Variants in ANKRD65 observed in about 807,000 individuals in gnomAD.
ANKRD65 encodes ankyrin repeat domain-containing protein 65.
A neutral mutation model predicts 17.2 loss-of-function variants in ANKRD65; 26 were observed. The observed-to-expected ratio is 1.51, with a 90% confidence interval of 1.11 to 2.09. The LOEUF (loss-of-function observed/expected upper bound fraction) is 2.09. Among genes scored for constraint, ANKRD65 ranks in the 30% most tolerant of loss-of-function variants. The pLI, the probability that ANKRD65 is intolerant of heterozygous loss-of-function variation, is 0.00. For missense variants in ANKRD65, 621 were observed against 542.2 expected (o/e 1.15, Z -1.44); for synonymous variants, 311 against 272.2 (o/e 1.14, Z -1.40).
Position 1,420,377 on chromosome 1 carries a change from G to C in ANKRD65, c.425C>G (p.Thr142Arg). 6 of 1,291,056 alleles carry C rather than the reference G, an allele frequency of 4.6e-6. No individual in the cohort carries two copies. Among genetic ancestry groups the C allele is most frequent in the Non-Finnish European group, 3.9e-6 (4 of 1,013,540 alleles). The allele number at this position is 1,291,056 out of a possible 1,614,324, so 80.0% of individuals were successfully genotyped here. ...SAAARSGTGLTPLHWAAALGH... is the reference protein window; with the variant it reads ...SAAARSGTGLRPLHWAAALGH... ...CAGGGCAGCGGCCCAGTGCAGCGGC[G>C]TGAGGCCCGTCCCGGAGCGAGCCGC... Residue 142 changes from threonine (T) to arginine (R), a missense_variant, in exon 3 of 4, where the codon ACG becomes AGG. By Grantham distance (71) the Thr-to-Arg change is moderately conservative. Coordinates refer to ENST00000537107, the MANE Select transcript of ANKRD65 (RefSeq NM_001145210.3).
chr1:1,420,034 G>T lies in ANKRD65; in HGVS notation c.750+18C>A. The T allele has an allele frequency of 7.9e-7, 1 of 1,267,512 alleles. No homozygotes were observed. The highest frequency in any genetic ancestry group is 2.5e-5 in the South Asian group (1 of 39,724). 78.5% of individuals were successfully genotyped at this position (1,267,512 alleles called of 1,614,324 possible). Reference sequence around the variant, plus strand: ...CTGCGCCCCCTCCCATCACTGCCGGGCGGAGGGCGGGACGTACCTGGGAGC... The same window carrying T: ...CTGCGCCCCCTCCCATCACTGCCGGTCGGAGGGCGGGACGTACCTGGGAGC... On this transcript the variant is annotated intron_variant, in intron 3 of 3. Coordinates refer to ENST00000537107, the MANE Select transcript of ANKRD65 (RefSeq NM_001145210.3).
At chr1:1,420,734 G>T (rs749638823) in intron 2 of ANKRD65, 63 bp downstream of exon 2, 415 of 1,485,354 alleles carry the variant, frequency 2.8e-4, no homozygotes, top group Non-Finnish European at 3.5e-4. Flanking sequence ...CCCACCCAGT[G>T]CTGGGACCCC....
Position 1,419,076 on chromosome 1 carries a change from G to A in ANKRD65, c.*24C>T, listed in dbSNP as rs1407736049. On this transcript the variant is annotated 3_prime_UTR_variant, in exon 4 of 4. Coordinates refer to ENST00000537107, the MANE Select transcript of ANKRD65 (RefSeq NM_001145210.3). ...AGAGCCTGGAAATCACTGGGGCGGTGGAGCCTGGAGCCTGCTGTCTGGCTC... is the reference window on the plus strand; with the variant it reads ...AGAGCCTGGAAATCACTGGGGCGGTAGAGCCTGGAGCCTGCTGTCTGGCTC... The A allele has an allele frequency of 1.4e-6, 2 of 1,463,360 alleles. No homozygotes were observed. Among genetic ancestry groups the A allele is most frequent in the East Asian group, 2.5e-5 (1 of 39,902 alleles). 90.6% of individuals were successfully genotyped at this position (1,463,360 alleles called of 1,614,324 possible). A position where few individuals can be genotyped will look rare whatever the true frequency, so the allele number is the denominator to read the frequency against.
intron 2 of ANKRD65, 59 bp from the exon 3 acceptor site, chr1:1,420,651 G>GGGCCCCCCCC: frequency 2.4e-6 from 3 of 1,252,860 alleles, no homozygotes; most frequent in East Asian, 3.1e-5. Flanking sequence ...ACCCCGCCCT[G>GGGCCCCCCCC]CCCCACCCCG....
rs779213980 is a variant in ANKRD65 at position 1,419,410 on chromosome 1, G to C, written c.890C>G (p.Ala297Gly). The change falls in exon 4 of 4, where the codon GCG (alanine) becomes GGG (glycine). Residue 297 changes from alanine to glycine, a missense_variant. By Grantham distance (60) the Ala-to-Gly change is moderately conservative (BLOSUM62 0). Coordinates refer to ENST00000537107, the MANE Select transcript of ANKRD65 (RefSeq NM_001145210.3). ...LLVTQGAEVD[A>G]RDTLGLTPLH... ...GGGTGTGAGGCCCAGGGTGTCCCGC[G>C]CATCCACCTCGGCCCCCTGGGTGAC... The C allele has an allele frequency of 1.3e-6, 2 of 1,549,662 alleles. No individual in the cohort carries two copies. The highest frequency in any genetic ancestry group is 2.4e-5 in the South Asian group (2 of 84,042).
chr1:1,420,488 CG>C lies in ANKRD65; in HGVS notation c.313del (p.Arg105GlyfsTer142). On this transcript the variant is annotated frameshift_variant, in exon 3 of 4. Coordinates refer to ENST00000537107, the MANE Select transcript of ANKRD65 (RefSeq NM_001145210.3). LOFTEE classifies it high-confidence loss of function. ...QRGAPVGAVD[R>X]AGRTALHEAA... ...CTCGTGCAGCGCGGTGCGCCCCGCC[CG>C]GTCCACCGCGCCCACCGGGGCCCCT... The C allele has an allele frequency of 7.9e-7, 1 of 1,273,508 alleles. No individual in the cohort carries two copies. Among genetic ancestry groups the C allele is most frequent in the Non-Finnish European group, 9.8e-7 (1 of 1,016,470 alleles). The allele number at this position is 1,273,508 out of a possible 1,614,324, so 78.9% of individuals were successfully genotyped here. A position where few individuals can be genotyped will look rare whatever the true frequency, so the allele number is the denominator to read the frequency against.
At position 1,419,222 on chromosome 1, in the gene ANKRD65, TG is replaced by T; in HGVS notation, c.1077del (p.Ser360AlafsTer36). The stretch of plus-strand genomic sequence containing the variant: ...GCCCACTGCGTCCGCAGAGTGGGGC[TG>T]GCCCCTCGGCTCAGCAGAAGCCCCA... ...PTVGLLLSRG[A>X]SPTLRTQWAE... On this transcript the variant is annotated frameshift_variant, in exon 4 of 4. Coordinates refer to ENST00000537107, the MANE Select transcript of ANKRD65 (RefSeq NM_001145210.3). LOFTEE classifies it low-confidence loss of function (END_TRUNC). The T allele has an allele frequency of 1.9e-6, 3 of 1,550,212 alleles. No individual in the cohort carries two copies. Among genetic ancestry groups the T allele is most frequent in the Non-Finnish European group, 1.7e-6 (2 of 1,146,810 alleles).
Position 1,419,229 on chromosome 1 carries a change from T to C in ANKRD65, c.1071A>G (p.Arg357=). The change falls in exon 4 of 4, where the codon CGA becomes CGG. Residue 357 remains arginine, a synonymous_variant. Coordinates refer to ENST00000537107, the MANE Select transcript of ANKRD65 (RefSeq NM_001145210.3). Reference sequence around the variant, plus strand: ...GCGTCCGCAGAGTGGGGCTGGCCCCTCGGCTCAGCAGAAGCCCCACGGTAG... The same window carrying C: ...GCGTCCGCAGAGTGGGGCTGGCCCCCCGGCTCAGCAGAAGCCCCACGGTAG... ...HGPTVGLLLS[R]GASPTLRTQW... is the part of the protein sequence containing the mutation. 1 of 1,550,146 alleles carries C rather than the reference T, an allele frequency of 6.5e-7. No individual in the cohort carries two copies. Among genetic ancestry groups the C allele is most frequent in the Non-Finnish European group, 8.7e-7 (1 of 1,146,816 alleles).
In ANKRD65 at chr1:1,420,211, C is replaced by T; in HGVS notation, c.591G>A (p.Ala197=). ...CGCCGTCCAGGCCCGCGCCGCCGGC[C>T]GCCAGCAGCTCCAGCACCGCCAGCC... is the stretch of plus-strand genomic sequence containing the variant. ...GGRLAVLELL[A]AGGAGLDGAL... is the part of the protein sequence containing the mutation. Residue 197 remains alanine, a synonymous_variant, in exon 3 of 4, where the codon GCG becomes GCA. Coordinates refer to ENST00000537107, the MANE Select transcript of ANKRD65 (RefSeq NM_001145210.3). 3.0e-6 allele frequency: 3 copies of T among 994,224 alleles called. No homozygotes were observed. The highest frequency in any genetic ancestry group is 3.6e-6 in the Non-Finnish European group (3 of 837,626). The allele number at this position is 994,224 out of a possible 1,614,324, so 61.6% of individuals were successfully genotyped here.
intron 1 of ANKRD65, 56 bp downstream of exon 1, chr1:1,421,077 C>T: frequency 6.9e-7 from 1 of 1,440,944 alleles, no homozygotes; most frequent in Non-Finnish European, 9.5e-7. Flanking sequence ...CCCAGGCCAA[C>T]TGGAGCCCCC....
rs1295588792 is a variant in ANKRD65, at chr1:1,420,422, A to T, written c.380T>A (p.Leu127Gln). ...HGHSRVAELL[L>Q]QRGASAAARS... ...AGCCGCCGCCGAGGCCCCGCGCTGC[A>T]GCAGCAGCTCGGCCACCCGCGAGTG... The change falls in exon 3 of 4, where the codon CTG becomes CAG. Residue 127 changes from leucine (L) to glutamine (Q), a missense_variant. Physicochemically the swap from Leu to Gln is moderately radical, Grantham distance 113. Coordinates refer to ENST00000537107, the MANE Select transcript of ANKRD65 (RefSeq NM_001145210.3). 7.5e-7 allele frequency: 1 copy of T among 1,329,784 alleles called. No individual in the cohort carries two copies. Among genetic ancestry groups the T allele is most frequent in the South Asian group, 1.7e-5 (1 of 57,846 alleles). The allele number at this position is 1,329,784 out of a possible 1,614,324, so 82.4% of individuals were successfully genotyped here. A position where few individuals can be genotyped will look rare whatever the true frequency, so the allele number is the denominator to read the frequency against.
rs753043510 is a variant in ANKRD65, at chr1:1,419,564, A to T, written c.751-15T>A. On this transcript the variant is annotated splice_polypyrimidine_tract_variant and intron_variant, in intron 3 of 3. Coordinates refer to ENST00000537107, the MANE Select transcript of ANKRD65 (RefSeq NM_001145210.3). Reference sequence around the variant, plus strand: ...ACCTCAATGTCCTAGAAGAGGAGAGAAAAGCAGGGGCCGGCCTCAGCCCGG... The same window carrying T: ...ACCTCAATGTCCTAGAAGAGGAGAGTAAAGCAGGGGCCGGCCTCAGCCCGG... The T allele has an allele frequency of 3.5e-5, 53 of 1,509,942 alleles. No individual in the cohort carries two copies. Among genetic ancestry groups the T allele is most frequent in the Non-Finnish European group, 4.3e-5 (48 of 1,129,262 alleles). The allele number at this position is 1,509,942 out of a possible 1,614,324, so 93.5% of individuals were successfully genotyped here. A position where few individuals can be genotyped will look rare whatever the true frequency, so the allele number is the denominator to read the frequency against.
At chr1:1,419,678 A>ACAACATGAGGAAG in intron 3 of ANKRD65, 129 bp from the exon 4 acceptor site, 1 of 904,484 alleles carries the variant, frequency 1.1e-6, no homozygotes, top group Non-Finnish European at 1.6e-6. Context: ...CCACTTCCTC[A>ACAACATGAGGAAG]TGTTGTGAGG....
rs958246663 is a variant in ANKRD65, at chr1:1,419,098, G to T, written c.*2C>A. 2 of 1,488,310 alleles carry T rather than the reference G, an allele frequency of 1.3e-6. No individual in the cohort carries two copies. Among genetic ancestry groups the T allele is most frequent in the Middle Eastern group, 3.5e-4 (2 of 5,686 alleles). The allele number at this position is 1,488,310 out of a possible 1,614,324, so 92.2% of individuals were successfully genotyped here. ...GGTGGAGCCTGGAGCCTGCTGTCTGGCTCAGCCCGTGGACTCTATGCCCTC... is the reference window on the plus strand; with the variant it reads ...GGTGGAGCCTGGAGCCTGCTGTCTGTCTCAGCCCGTGGACTCTATGCCCTC... On this transcript the variant is annotated 3_prime_UTR_variant, in exon 4 of 4. Coordinates refer to ENST00000537107, the MANE Select transcript of ANKRD65 (RefSeq NM_001145210.3).
At chr1:1,419,945 C>T in intron 3 of ANKRD65, 107 bp downstream of exon 3, 2 of 1,143,958 alleles carry the variant, frequency 1.7e-6, no homozygotes, top group Non-Finnish European at 2.2e-6. Context: ...GGCCTTCGTG[C>T]CTGGACACCG....
In ANKRD65 at chr1:1,420,013, G is replaced by T. The variant is rs747171918; in HGVS notation, c.750+39C>A. 1.1e-4 allele frequency: 137 copies of T among 1,252,464 alleles called. No homozygotes were observed. In the Middle Eastern group the frequency reaches 1.4e-3, roughly 13 times the overall value. 77.6% of individuals were successfully genotyped at this position (1,252,464 alleles called of 1,614,324 possible). On this transcript the variant is annotated intron_variant, in intron 3 of 3. Coordinates refer to ENST00000537107, the MANE Select transcript of ANKRD65 (RefSeq NM_001145210.3). ...ACGTCTCTGGGGATCCTGGCCCTGC[G>T]CCCCCTCCCATCACTGCCGGGCGGA...
Position 1,420,970 on chromosome 1 carries a change from C to T in ANKRD65, c.36G>A (p.Glu12=), listed in dbSNP as rs1645547357. The T allele has an allele frequency of 9.0e-6, 14 of 1,550,706 alleles. No homozygotes were observed. The highest frequency in any genetic ancestry group is 1.2e-5 in the Non-Finnish European group (14 of 1,146,980). The stretch of plus-strand genomic sequence containing the variant: ...TCCACCGCAGTTCCTGTTCCTCCTC[C>T]TCCTCCTCTCTGGGCTCAGGCCTCT... ...DSQRPEPREE[E]EEEQELRWME... is the part of the protein sequence containing the mutation. Residue 12 remains glutamate, a synonymous_variant, in exon 2 of 4, where the codon GAG becomes GAA. Coordinates refer to ENST00000537107, the MANE Select transcript of ANKRD65 (RefSeq NM_001145210.3).
At position 1,419,250 on chromosome 1, in the gene ANKRD65, G is replaced by C. The variant is rs566997537; in HGVS notation, c.1050C>G (p.Thr350=). 1 of 1,550,338 alleles carries C rather than the reference G, an allele frequency of 6.5e-7. No homozygotes were observed. The highest frequency in any genetic ancestry group is 2.4e-5 in the East Asian group (1 of 40,908). ...CCCCTCGGCTCAGCAGAAGCCCCAC[G>C]GTAGGCCCATGCCCTCGCTCTGCAG... ...HLAAERGHGP[T]VGLLLSRGAS... The change falls in exon 4 of 4, where the codon ACC becomes ACG. Residue 350 remains threonine, a synonymous_variant. Transcript: ENST00000537107.
At position 1,419,397 on chromosome 1, in the gene ANKRD65, C is replaced by T. The variant is rs1002547176; in HGVS notation, c.903G>A (p.Leu301=). ...AGGCGTGATGCAGGGGTGTGAGGCC[C>T]AGGGTGTCCCGCGCATCCACCTCGG... The part of the protein sequence containing the change: ...QGAEVDARDT[L]GLTPLHHASR... Residue 301 remains leucine, a synonymous_variant, in exon 4 of 4, where the codon CTG becomes CTA. Coordinates refer to ENST00000537107, the MANE Select transcript of ANKRD65 (RefSeq NM_001145210.3). 5 of 1,550,000 alleles carry T rather than the reference C, an allele frequency of 3.2e-6. No homozygotes were observed. The highest frequency in any genetic ancestry group is 2.6e-6 in the Non-Finnish European group (3 of 1,146,840).
Sources: allele counts gnomAD v4.1 joint callset, GRCh38; gene constraint gnomAD v4.1.1; transcripts MANE v1.5; gene names NCBI Gene and HGNC (gene_info 2026-07-23, HGNC 2026-07-21).